Variants in CXXC4 observed in about 807,000 individuals in gnomAD.
CXXC4 encodes the protein CXXC-type zinc finger protein 4.
In CXXC4, 5 loss-of-function variants were observed where a neutral mutation model predicts 20.5. That is an observed-to-expected ratio of 0.24 (90% CI 0.13 to 0.51). The LOEUF (loss-of-function observed/expected upper bound fraction) is 0.51. Among genes scored for constraint, CXXC4 ranks in the 20% least tolerant of loss-of-function variants. The pLI is 0.97. For synonymous variants in CXXC4, 250 were observed against 216.4 expected, an observed-to-expected ratio of 1.16 and a Z score of -1.36; for missense variants, 419 against 496.4, an observed-to-expected ratio of 0.84 and a Z score of 1.48.
chr4:104,481,739 T>A (rs562581226), intron 2 of CXXC4, among the ~76,000 whole-genome samples: 1 of 152,242 alleles, frequency 6.6e-6, no homozygotes, highest in East Asian at 1.9e-4. Context: ...ACTTAAGTCT[T>A]GGAAGATAAC....
At chr4:104,480,527 T>C (rs1053955960) in intron 2 of CXXC4, among the ~76,000 whole-genome samples, 2 of 152,118 alleles carry the variant, frequency 1.3e-5, no homozygotes, top group Admixed American at 6.6e-5. Flanking sequence ...AATTGCAGAT[T>C]GCAGACTTAA....
chr4:104,477,444 AAATT>A (rs1736440896), intron 2 of CXXC4, among the ~76,000 whole-genome samples: 2 of 152,118 alleles, frequency 1.3e-5, no homozygotes, highest in Admixed American at 6.6e-5. Context: ...TGATTGACAC[AAATT>A]AATACATAGT....
intron 2 of CXXC4, among the ~76,000 whole-genome samples, chr4:104,487,690 G>C (rs1056121214): frequency 6.6e-6 from 1 of 152,164 alleles, no homozygotes; most frequent in African/African-American, 2.4e-5. Flanking sequence ...TGAACAATTA[G>C]TGGCTATTTT....
chr4:104,493,674 C>T lies in CXXC4; in HGVS notation c.-258+1027G>A, dbSNP rs74659572. 4.2e-3 allele frequency among the ~76,000 whole-genome samples: 633 copies of T among 152,268 alleles called. 5 individuals carry two copies. Among genetic ancestry groups the T allele is most frequent in the African/African-American group, 0.015 (604 of 41,556 alleles). On this transcript the variant is annotated intron_variant, in intron 1 of 2. Coordinates refer to ENST00000394767, the MANE Select transcript of CXXC4 (RefSeq NM_025212.4). The stretch of plus-strand genomic sequence containing the variant: ...CACTCAGGAACCACCTCTGTGGTTT[C>T]GCATTAGGGAAAACTGCTGCCTTCT...
Position 104,469,332 on chromosome 4 carries a change from C to A in CXXC4, c.*2990G>T, listed in dbSNP as rs544874119. On this transcript the variant is annotated 3_prime_UTR_variant, in exon 3 of 3. Transcript: ENST00000394767. ...GTATTTACCATGATCTCCCCAAATG[C>A]TGGCAGATTATGGCATCTCTCTATC... 6.6e-6 allele frequency: 1 copy of A among 152,114 alleles called. No individual in the cohort carries two copies. The highest frequency in any genetic ancestry group is 1.5e-5 in the Non-Finnish European group (1 of 67,960). 9.4% of individuals were successfully genotyped at this position (152,114 alleles called of 1,614,324 possible).
chr4:104,482,862 C>A (rs943973971), intron 2 of CXXC4, among the ~76,000 whole-genome samples: 5 of 151,992 alleles, frequency 3.3e-5, no homozygotes, highest in African/African-American at 1.2e-4. Flanking sequence ...ATAGTATTAT[C>A]AATAATCCAG....
intron 2 of CXXC4, among the ~76,000 whole-genome samples, chr4:104,478,306 A>G (rs1188095670): frequency 6.6e-6 from 1 of 152,130 alleles, no homozygotes; most frequent in Admixed American, 6.6e-5. Flanking sequence ...ACTTCTGCAA[A>G]TGGAAAGATG....
chr4:104,479,933 A>C (rs1473936102), intron 2 of CXXC4, among the ~76,000 whole-genome samples: 3 of 152,114 alleles, frequency 2.0e-5, no homozygotes, highest in Non-Finnish European at 4.4e-5. Flanking sequence ...ATTCTCTTTT[A>C]AAATAATAAA....
At chr4:104,488,418 G>A (rs1054254890) in intron 2 of CXXC4, among the ~76,000 whole-genome samples, 4 of 152,146 alleles carry the variant, frequency 2.6e-5, no homozygotes, top group African/African-American at 9.7e-5. Context: ...CAGTCATGAT[G>A]GCATTGTCTT....
chr4:104,479,349 C>T (rs72951391), intron 2 of CXXC4, among the ~76,000 whole-genome samples: 5,044 of 152,208 alleles, frequency 0.033, 294 homozygotes, highest in African/African-American at 0.12. Flanking sequence ...AAAGTAGTTA[C>T]ATTTAGCCTC....
intron 2 of CXXC4, among the ~76,000 whole-genome samples, chr4:104,475,883 TA>T (rs1358080905): frequency 6.6e-6 from 1 of 152,102 alleles, no homozygotes; most frequent in Non-Finnish European, 1.5e-5. Context: ...CGGCATTGTT[TA>T]AGGCAGCCTT....
chr4:104,468,508 C>T lies in CXXC4; in HGVS notation c.*3814G>A, dbSNP rs942608822. 2 of 150,762 alleles carry T rather than the reference C, an allele frequency of 1.3e-5. No individual in the cohort carries two copies. Among genetic ancestry groups the T allele is most frequent in the Admixed American group, 1.3e-4 (2 of 15,072 alleles). 9.3% of individuals were successfully genotyped at this position (150,762 alleles called of 1,614,324 possible). The stretch of plus-strand genomic sequence containing the variant: ...TGCACAAGCATACATACACCTTACA[C>T]AAATATCTATTAGAAAATTTAATAG... On this transcript the variant is annotated 3_prime_UTR_variant, in exon 3 of 3. Transcript: ENST00000394767.
In CXXC4 at chr4:104,491,346, G is replaced by A. The variant is rs1348342333; in HGVS notation, c.457C>T (p.Leu153Phe). Reference protein sequence around the residue: ...SSSASSSSAILPAGGGGGGGG... With the variant: ...SSSASSSSAIFPAGGGGGGGG... ...CCGCCGCCGCCACCGCCGGCGGGGA[G>A]GATCGCCGAGGAGGAGGAGGCGGAG... The change falls in exon 2 of 3, where the codon CTC (leucine) becomes TTC (phenylalanine). Residue 153 changes from leucine to phenylalanine, a missense_variant. Physicochemically the swap from Leu to Phe is conservative, Grantham distance 22 (BLOSUM62 0). Transcript: ENST00000394767. The A allele has an allele frequency of 1.3e-6, 2 of 1,529,170 alleles. No individual in the cohort carries two copies. Among genetic ancestry groups the A allele is most frequent in the Middle Eastern group, 2.3e-4 (1 of 4,348 alleles). The allele number at this position is 1,529,170 out of a possible 1,614,324, so 94.7% of individuals were successfully genotyped here.
intron 2 of CXXC4, among the ~76,000 whole-genome samples, chr4:104,479,227 A>G (rs1736495446): frequency 6.6e-6 from 1 of 152,138 alleles, no homozygotes; most frequent in Non-Finnish European, 1.5e-5. Flanking sequence ...AGAAACATAA[A>G]TATTCATATA....
At chr4:104,485,862 T>C (rs1736676462) in intron 2 of CXXC4, among the ~76,000 whole-genome samples, 1 of 152,090 alleles carries the variant, frequency 6.6e-6, no homozygotes, top group Admixed American at 6.5e-5. Context: ...AACTTAACTA[T>C]TAATTCAGAA....
At chr4:104,484,489 C>T (rs954438370) in intron 2 of CXXC4, among the ~76,000 whole-genome samples, 17 of 151,832 alleles carry the variant, frequency 1.1e-4, no homozygotes, top group Admixed American at 7.9e-4. Flanking sequence ...TTGAATATGA[C>T]GTCTTTGAAA....
At chr4:104,494,124 A>G (rs1352189462) in intron 1 of CXXC4, among the ~76,000 whole-genome samples, 1 of 152,206 alleles carries the variant, frequency 6.6e-6, no homozygotes, top group Non-Finnish European at 1.5e-5. Context: ...TGTTTAATCA[A>G]TGCATCTCTG....
At chr4:104,488,464 A>G (rs1204890298) in intron 2 of CXXC4, among the ~76,000 whole-genome samples, 1 of 152,186 alleles carries the variant, frequency 6.6e-6, no homozygotes, top group Non-Finnish European at 1.5e-5. Flanking sequence ...TACAATTTTG[A>G]AAAAAAGCTT....
At chr4:104,486,890 GT>G (rs1294832043) in intron 2 of CXXC4, among the ~76,000 whole-genome samples, 1 of 152,138 alleles carries the variant, frequency 6.6e-6, no homozygotes, top group African/African-American at 2.4e-5. Flanking sequence ...TTTGTCCAGA[GT>G]TTTACAATTG....
Sources: gnomAD v4.1 joint callset for allele counts (sites outside exome capture counted in the v4.1 genomes callset) on GRCh38, gnomAD v4.1.1 for gene constraint, MANE v1.5 for transcripts, NCBI Gene and HGNC (gene_info 2026-07-23, HGNC 2026-07-21) for gene names.